CCR3: variants seen among roughly 807,000 people sequenced by gnomAD.
CCR3 encodes C-C motif chemokine receptor 3.
For missense variants in CCR3, 419 were observed against 437.5 expected (o/e 0.96, Z 0.38); for synonymous variants, 203 against 179.2 (o/e 1.13, Z -1.06).
chr3:46,247,017 G>A (rs1700208332), intron 1 of CCR3, among the ~76,000 whole-genome samples: 1 of 152,104 alleles, frequency 6.6e-6, no homozygotes. Context: ...AATGGAATAA[G>A]AGAAGGAGAA....
At chr3:46,255,061 AT>A (rs35385049) in intron 1 of CCR3, among the ~76,000 whole-genome samples, 111,564 of 150,700 alleles carry the variant, frequency 0.74, 41,381 homozygotes, top group East Asian at 0.9. Flanking sequence ...GCCAACATCT[AT>A]TTTTTTTTTT....
At chr3:46,263,299 G>A (rs1700560536) in intron 1 of CCR3, 1 of 153,760 alleles carries the variant, frequency 6.5e-6, no homozygotes, top group African/African-American at 2.4e-5. Context: ...AGAATTAGCA[G>A]TTCTGTTCTT....
At chr3:46,248,683 G>C (rs1700247674) in intron 1 of CCR3, among the ~76,000 whole-genome samples, 1 of 152,176 alleles carries the variant, frequency 6.6e-6, no homozygotes, top group African/African-American at 2.4e-5. Context: ...CCTTGTGGCA[G>C]TACAGCCCAG....
intron 2 of CCR3, among the ~76,000 whole-genome samples, chr3:46,213,221 G>A (rs986972279): frequency 6.6e-5 from 10 of 152,120 alleles, no homozygotes; most frequent in Admixed American, 3.3e-4. Context: ...TAGATGAATC[G>A]TCCAAGGTGC....
At chr3:46,257,338 T>C (rs1184570145) in intron 1 of CCR3, among the ~76,000 whole-genome samples, 2 of 152,110 alleles carry the variant, frequency 1.3e-5, no homozygotes, top group Non-Finnish European at 2.9e-5. Context: ...AATTAAAGGA[T>C]TGGTGCTTTT....
Position 46,265,735 on chromosome 3 carries a change from T to C in CCR3, c.577T>C (p.Tyr193His). Residue 193 changes from tyrosine to histidine, a missense_variant, in exon 2 of 2, where the codon TAT becomes CAT. Physicochemically the swap from Tyr to His is moderately conservative, Grantham distance 83. Transcript: ENST00000395940. The part of the protein sequence containing the change: ...CSALYPEDTV[Y>H]SWRHFHTLRM... Reference sequence around the variant, plus strand: ...TGCTCTTTACCCAGAGGATACAGTATATAGCTGGAGGCATTTCCACACTCT... The same window carrying C: ...TGCTCTTTACCCAGAGGATACAGTACATAGCTGGAGGCATTTCCACACTCT... 2 of 1,613,870 alleles carry C rather than the reference T, an allele frequency of 1.2e-6. No individual in the cohort carries two copies. Among genetic ancestry groups the C allele is most frequent in the African/African-American group, 1.3e-5 (1 of 75,022 alleles).
At chr3:46,241,122 C>A (rs1345883953), upstream of CCR3, among the ~76,000 whole-genome samples, 1 of 151,264 alleles carries the variant, frequency 6.6e-6, no homozygotes, top group Admixed American at 6.6e-5. Flanking sequence ...CTCTCAAATT[C>A]TCTCCCTATT....
intron 2 of CCR3, among the ~76,000 whole-genome samples, chr3:46,224,999 G>T (rs1699878382): frequency 6.6e-6 from 1 of 152,140 alleles, no homozygotes; most frequent in African/African-American, 2.4e-5. Flanking sequence ...AATGTTGTTA[G>T]TAACTTTATT....
At position 46,265,215 on chromosome 3, in the gene CCR3, CGTG is replaced by C. The variant is rs1559540556; in HGVS notation, c.59_61del (p.Val20del). ...TTGGTACCACATCCTACTATGATGA[CGTG>C]GGCCTGCTCTGTGAAAAAGCTGATA... is the stretch of plus-strand genomic sequence containing the variant. On this transcript the variant is annotated inframe_deletion, in exon 2 of 2. Transcript: ENST00000395940. 2 of 1,613,780 alleles carry C rather than the reference CGTG, an allele frequency of 1.2e-6. No homozygotes were observed. Among genetic ancestry groups the C allele is most frequent in the African/African-American group, 2.7e-5 (2 of 74,896 alleles).
chr3:46,216,840 C>A (rs1429870652), intron 2 of CCR3, among the ~76,000 whole-genome samples: 3 of 152,068 alleles, frequency 2.0e-5, no homozygotes, highest in Non-Finnish European at 1.5e-5. Context: ...ACTACAAGAA[C>A]TGCTAAAAAG....
At chr3:46,250,326 C>G (rs1700280542) in intron 1 of CCR3, among the ~76,000 whole-genome samples, 1 of 151,882 alleles carries the variant, frequency 6.6e-6, no homozygotes, top group Admixed American at 6.6e-5. Context: ...TGGGACCTAG[C>G]TTGGCCTGGC....
At chr3:46,227,951 T>C (rs1260700607) in intron 2 of CCR3, among the ~76,000 whole-genome samples, 1 of 152,178 alleles carries the variant, frequency 6.6e-6, no homozygotes, top group African/African-American at 2.4e-5. Flanking sequence ...GTTCCATAGG[T>C]ACTTGAAAAA....
intron 1 of CCR3, among the ~76,000 whole-genome samples, chr3:46,256,207 A>G (rs997185381): frequency 6.6e-6 from 1 of 152,108 alleles, no homozygotes; most frequent in Non-Finnish European, 1.5e-5. Context: ...GATTGGTTTA[A>G]TTTCACTGAA....
rs748489994 is a variant in CCR3 at position 46,265,261 on chromosome 3, C to G, written c.103C>G (p.Gln35Glu). Residue 35 changes from glutamine (Q) to glutamate (E), a missense_variant, in exon 2 of 2, where the codon CAG (glutamine) becomes GAG (glutamate). Transcript: ENST00000395940. ...EKADTRALMA[Q>E]FVPPLYSLVF... is the part of the protein sequence containing the mutation. ...AGCTGATACCAGAGCACTGATGGCC[C>G]AGTTTGTGCCCCCGCTGTACTCCCT... 56 of 1,613,902 alleles carry G rather than the reference C, an allele frequency of 3.5e-5. No individual in the cohort carries two copies. Among genetic ancestry groups the G allele is most frequent in the Non-Finnish European group, 8.5e-7 (1 of 1,179,992 alleles).
At chr3:46,246,729 C>T (rs1700198137) in intron 1 of CCR3, among the ~76,000 whole-genome samples, 1 of 152,086 alleles carries the variant, frequency 6.6e-6, no homozygotes, top group African/African-American at 2.4e-5. Flanking sequence ...CCTGACATTC[C>T]TGCCTTCTTA....
intron 2 of CCR3, among the ~76,000 whole-genome samples, chr3:46,231,503 G>A (rs1297094275): frequency 1.3e-5 from 2 of 152,150 alleles, no homozygotes; most frequent in Non-Finnish European, 2.9e-5. Flanking sequence ...ATTAGTCAAC[G>A]AGCACAAAGT....
chr3:46,260,420 A>G (rs1473321584), intron 1 of CCR3, among the ~76,000 whole-genome samples: 3 of 152,244 alleles, frequency 2.0e-5, no homozygotes, highest in African/African-American at 4.8e-5. Context: ...TTGTAAAATC[A>G]AAAGCAAGTT....
intron 1 of CCR3, among the ~76,000 whole-genome samples, chr3:46,246,573 T>C (rs1359319902): frequency 6.6e-6 from 1 of 151,998 alleles, no homozygotes; most frequent in Non-Finnish European, 1.5e-5. Flanking sequence ...GGACCGGCCA[T>C]TTTCACTGCT....
chr3:46,216,568 G>C (rs1035840950), intron 2 of CCR3, among the ~76,000 whole-genome samples: 4 of 152,114 alleles, frequency 2.6e-5, no homozygotes, highest in Non-Finnish European at 5.9e-5. Flanking sequence ...CAAGATGAAG[G>C]AAAGACTCTT....
Sources: gnomAD v4.1 joint callset for allele counts (sites outside exome capture counted in the v4.1 genomes callset) on GRCh38, gnomAD v4.1.1 for gene constraint, MANE v1.5 for transcripts, NCBI Gene and HGNC (gene_info 2026-07-23, HGNC 2026-07-21) for gene names.